Variants in MTHFD2L observed in about 807,000 individuals in gnomAD.
The protein encoded by MTHFD2L is bifunctional methylenetetrahydrofolate dehydrogenase/cyclohydrolase 2, mitochondrial.
In MTHFD2L, 29 loss-of-function variants were observed where a neutral mutation model predicts 34.9. The ratio of observed to expected loss-of-function variants is 0.83; its 90% CI spans 0.62 to 1.13. The LOEUF is 1.13. Ranked by LOEUF, MTHFD2L falls within the 50% of genes most tolerant of loss-of-function variation. The pLI is 0.00. For missense variants in MTHFD2L, 481 were observed against 446.5 expected, an observed-to-expected ratio of 1.08 and a Z score of -0.70; for synonymous variants, 167 against 155.7, an observed-to-expected ratio of 1.07 and a Z score of -0.54.
chr4:74,291,486 G>T (rs563954756), intron 7 of MTHFD2L, among the ~76,000 whole-genome samples: 1 of 152,122 alleles, frequency 6.6e-6, no homozygotes, highest in Non-Finnish European at 1.5e-5. Context: ...CAGAGTAATA[G>T]CAACTATGTC....
chr4:74,251,925 G>T (rs1743364796), intron 6 of MTHFD2L, among the ~76,000 whole-genome samples: 1 of 152,198 alleles, frequency 6.6e-6, no homozygotes, highest in Admixed American at 6.5e-5. Context: ...TTAATAAAAA[G>T]CAGTGGGGAA....
At chr4:74,198,049 G>A (rs1370898740) in intron 3 of MTHFD2L, among the ~76,000 whole-genome samples, 2 of 151,976 alleles carry the variant, frequency 1.3e-5, no homozygotes, top group South Asian at 2.1e-4. Context: ...TATACATTTT[G>A]TATGTCCATT....
intron 6 of MTHFD2L, among the ~76,000 whole-genome samples, chr4:74,271,006 G>T (rs1252900273): frequency 1.3e-4 from 20 of 151,914 alleles, no homozygotes; most frequent in African/African-American, 4.8e-4. Context: ...TCGCCCACTT[G>T]TTGATGGGGT....
intron 1 of MTHFD2L, chr4:74,165,204 A>T (rs1726415911): frequency 1.3e-5 from 2 of 156,248 alleles, no homozygotes; most frequent in South Asian, 4.1e-4. Context: ...GATAATTTAT[A>T]TCCTTATGTG....
intron 6 of MTHFD2L, among the ~76,000 whole-genome samples, chr4:74,255,639 C>A (rs111398170): frequency 4.8e-4 from 73 of 152,138 alleles, no homozygotes; most frequent in African/African-American, 1.7e-3. Context: ...GGCCTTGTTT[C>A]CCCCCTCTCT....
intron 7 of MTHFD2L, among the ~76,000 whole-genome samples, chr4:74,299,386 T>TAGCAGC (rs1029806642): frequency 2.6e-5 from 4 of 151,352 alleles, no homozygotes; most frequent in East Asian, 1.9e-4. Context: ...TAAGTAGTAG[T>TAGCAGC]AGCAGCAGCA....
At chr4:74,242,142 G>A (rs1741810090) in intron 6 of MTHFD2L, 1 of 152,036 alleles carries the variant, frequency 6.6e-6, no homozygotes, top group African/African-American at 2.4e-5. Context: ...TACAATGGAT[G>A]TGAATCTATA....
intron 3 of MTHFD2L, chr4:74,194,226 C>T (rs1733082483): frequency 1.3e-5 from 2 of 152,198 alleles, no homozygotes; most frequent in Admixed American, 6.5e-5. Context: ...CTTTCTGTGG[C>T]TTTCTCCTTT....
intron 6 of MTHFD2L, among the ~76,000 whole-genome samples, chr4:74,230,131 A>G (rs1427645686): frequency 1.3e-5 from 2 of 152,220 alleles, no homozygotes; most frequent in Admixed American, 6.5e-5. Flanking sequence ...TGTTGGATTT[A>G]CACACTGTAG....
chr4:74,134,403 C>A (rs1022285441), intron 1 of MTHFD2L, among the ~76,000 whole-genome samples: 1 of 151,956 alleles, frequency 6.6e-6, no homozygotes, highest in Admixed American at 6.6e-5. Context: ...GTGCCATGGC[C>A]ATTTGCAAAA....
At chr4:74,272,457 T>A (rs1406362451) in intron 6 of MTHFD2L, among the ~76,000 whole-genome samples, 1 of 152,164 alleles carries the variant, frequency 6.6e-6, no homozygotes, top group Non-Finnish European at 1.5e-5. Flanking sequence ...AATGAGAAAC[T>A]GGGCATTTGA....
chr4:74,205,421 A>G (rs1045684947), intron 5 of MTHFD2L, among the ~76,000 whole-genome samples: 2 of 152,208 alleles, frequency 1.3e-5, no homozygotes, highest in African/African-American at 4.8e-5. Context: ...TTTCTTTTCC[A>G]GAAGACATGC....
rs550701362 is a variant in MTHFD2L, at chr4:74,137,190, G to C, written c.-297+11673G>C. On this transcript the variant is annotated intron_variant, in intron 1 of 7. Transcript: ENST00000433372. The stretch of plus-strand genomic sequence containing the variant: ...CAGAGTGAAGAAACAACCCAGAATG[G>C]GAAAAAACAATTGCAAGCTATTTAT... 3.3e-4 allele frequency among the ~76,000 whole-genome samples: 50 copies of C among 151,878 alleles called. No homozygotes were observed. In the South Asian group the frequency reaches 0.01, roughly 31 times the overall value.
intron 1 of MTHFD2L, among the ~76,000 whole-genome samples, chr4:74,133,902 C>A (rs539534024): frequency 6.6e-6 from 1 of 152,122 alleles, no homozygotes; most frequent in South Asian, 2.1e-4. Flanking sequence ...AGCAGCAACC[C>A]AGAGATCCTG....
chr4:74,143,971 G>A (rs1723436274), intron 1 of MTHFD2L, among the ~76,000 whole-genome samples: 1 of 152,126 alleles, frequency 6.6e-6, no homozygotes, highest in Non-Finnish European at 1.5e-5. Flanking sequence ...GGTAGCAATT[G>A]GAAAAGACTA....
At chr4:74,258,266 G>T (rs879481860) in intron 6 of MTHFD2L, among the ~76,000 whole-genome samples, 12 of 152,160 alleles carry the variant, frequency 7.9e-5, no homozygotes, top group Non-Finnish European at 1.3e-4. Flanking sequence ...ATCTTGAAGA[G>T]ATAACTGCAG....
intron 1 of MTHFD2L, among the ~76,000 whole-genome samples, chr4:74,146,274 A>T (rs1366995971): frequency 6.6e-6 from 1 of 152,210 alleles, no homozygotes; most frequent in Non-Finnish European, 1.5e-5. Context: ...AGATATTATC[A>T]GACAAGATCT....
chr4:74,227,869 A>T (rs1378182444), intron 6 of MTHFD2L, among the ~76,000 whole-genome samples: 1 of 152,128 alleles, frequency 6.6e-6, no homozygotes, highest in Non-Finnish European at 1.5e-5. Context: ...GAGGAGAGGT[A>T]TTGCAATTTC....
At chr4:74,251,220 A>T (rs1420580971) in intron 6 of MTHFD2L, among the ~76,000 whole-genome samples, 1 of 152,180 alleles carries the variant, frequency 6.6e-6, no homozygotes, top group Non-Finnish European at 1.5e-5. Flanking sequence ...ACATTCAGTC[A>T]TGGTTTTTTA....
Sources: allele counts gnomAD v4.1 joint callset (sites outside exome capture counted in the v4.1 genomes callset), GRCh38; gene constraint gnomAD v4.1.1; transcripts MANE v1.5; gene names NCBI Gene and HGNC (gene_info 2026-07-23, HGNC 2026-07-21).